Variants in ERBIN observed in about 807,000 individuals in gnomAD.
ERBIN encodes the protein densin-180-like protein.
A neutral mutation model predicts 158.4 loss-of-function variants in ERBIN; 60 were observed. The ratio of observed to expected loss-of-function variants is 0.38; its 90% CI spans 0.31 to 0.47. The LOEUF is 0.47. Ranked by LOEUF, ERBIN falls within the 20% of genes least tolerant of loss-of-function variation. The pLI, the probability that ERBIN is intolerant of heterozygous loss-of-function variation, is 0.99. For missense variants in ERBIN, 1,610 were observed against 1,648.0 expected (o/e 0.98, Z 0.40); for synonymous variants, 594 against 557.2 (o/e 1.07, Z -0.93).
At chr5:65,980,051 A>G (rs1411491406) in intron 1 of ERBIN, among the ~76,000 whole-genome samples, 1 of 152,216 alleles carries the variant, frequency 6.6e-6, no homozygotes, top group Admixed American at 6.5e-5. Context: ...AAAGTCCACA[A>G]AAGGAGATAA....
chr5:65,960,384 C>T (rs966867863), intron 1 of ERBIN, among the ~76,000 whole-genome samples: 7 of 152,116 alleles, frequency 4.6e-5, no homozygotes, highest in African/African-American at 1.7e-4. Flanking sequence ...GTGGAAATGT[C>T]CTGTATCTTG....
intron 17 of ERBIN, 40 bp downstream of exon 17, chr5:66,044,350 G>A (rs757082981): frequency 7.2e-6 from 11 of 1,537,904 alleles, no homozygotes; most frequent in Non-Finnish European, 9.6e-6. Context: ...CCTATTTCAA[G>A]TTCTTATTTT....
chr5:66,026,236 G>GT (rs1260222468), intron 12 of ERBIN, 66 bp from the exon 13 acceptor site: 12 of 985,314 alleles, frequency 1.2e-5, no homozygotes, highest in South Asian at 1.8e-5. Flanking sequence ...CAAAAATGAT[G>GT]TTTTTTATAT....
intron 4 of ERBIN, among the ~76,000 whole-genome samples, chr5:65,995,938 G>T (rs891783849): frequency 1.3e-5 from 2 of 152,116 alleles, no homozygotes; most frequent in African/African-American, 4.8e-5. Context: ...CAGGTCATTT[G>T]CTGATTTTTA....
chr5:65,994,254 T>A (rs1752185080), intron 3 of ERBIN, among the ~76,000 whole-genome samples: 1 of 152,206 alleles, frequency 6.6e-6, no homozygotes. Flanking sequence ...GACCAAAATT[T>A]GTCTCCTTCT....
intron 1 of ERBIN, among the ~76,000 whole-genome samples, chr5:65,979,545 G>A (rs1750419580): frequency 1.3e-5 from 2 of 152,200 alleles, no homozygotes. Context: ...TGATTGTATA[G>A]GCTTATAGAT....
chr5:66,073,821 A>G (rs1480313502), intron 22 of ERBIN, among the ~76,000 whole-genome samples: 3 of 152,268 alleles, frequency 2.0e-5, no homozygotes, highest in Admixed American at 6.5e-5. Context: ...TAGCTGAACC[A>G]TATTTTTCTA....
chr5:65,939,554 GTCTCCC>G (rs932681923), intron 1 of ERBIN, among the ~76,000 whole-genome samples: 2 of 150,840 alleles, frequency 1.3e-5, no homozygotes, highest in African/African-American at 4.9e-5. Flanking sequence ...TCTCCCCACG[GTCTCCC>G]TCTCCCTCTC....
At chr5:66,013,692 A>G (rs2151108496) in intron 6 of ERBIN, 54 bp downstream of exon 6, 1 of 1,191,470 alleles carries the variant, frequency 8.4e-7, no homozygotes, top group Admixed American at 1.7e-5. Flanking sequence ...TAAAGTTTAC[A>G]AAACTATAAG....
Position 66,059,029 on chromosome 5 carries a change from T to C in ERBIN, c.3633+4078T>C, listed in dbSNP as rs937922507. Among the ~76,000 whole-genome samples, 14 of 152,190 alleles carry C rather than the reference T, an allele frequency of 9.2e-5. 1 individual carries two copies. Among genetic ancestry groups the C allele is most frequent in the African/African-American group, 3.4e-4 (14 of 41,428 alleles). ...TGTCTTGGCAATGCAGGCTCTTTTTTGGTTCCATATGAACTTTAAAGTAGT... is the reference window on the plus strand; with the variant it reads ...TGTCTTGGCAATGCAGGCTCTTTTTCGGTTCCATATGAACTTTAAAGTAGT... On this transcript the variant is annotated intron_variant, in intron 21 of 25. Transcript: ENST00000284037.
intron 4 of ERBIN, among the ~76,000 whole-genome samples, chr5:66,004,660 T>G (rs1414836177): frequency 6.6e-6 from 1 of 152,086 alleles, no homozygotes; most frequent in Non-Finnish European, 1.5e-5. Context: ...ACCTCAGCCT[T>G]CCAAAGTGCT....
intron 4 of ERBIN, among the ~76,000 whole-genome samples, chr5:66,000,895 T>C (rs577882184): frequency 1.2e-4 from 18 of 152,286 alleles, no homozygotes; most frequent in Admixed American, 3.3e-4. Flanking sequence ...CCTCATCTTA[T>C]ATTCTTCATA....
intron 1 of ERBIN, among the ~76,000 whole-genome samples, chr5:65,957,980 CG>C (rs1747421630): frequency 6.9e-6 from 1 of 145,280 alleles, no homozygotes; most frequent in South Asian, 2.2e-4. Flanking sequence ...ACCTCCCAGA[CG>C]GGGTCGCGGC....
chr5:65,997,319 G>A (rs1752544168), intron 4 of ERBIN, among the ~76,000 whole-genome samples: 1 of 152,116 alleles, frequency 6.6e-6, no homozygotes. Context: ...ATGAAAGGAC[G>A]TTGAATTTTG....
chr5:65,942,898 A>G (rs1745235304), intron 1 of ERBIN, among the ~76,000 whole-genome samples: 1 of 130,846 alleles, frequency 7.6e-6, no homozygotes, highest in Non-Finnish European at 1.6e-5. Flanking sequence ...ACAGAGCGAG[A>G]CTCCGTCTCC....
intron 1 of ERBIN, among the ~76,000 whole-genome samples, chr5:65,927,681 G>C (rs1333686634): frequency 6.6e-6 from 1 of 152,184 alleles, no homozygotes; most frequent in Non-Finnish European, 1.5e-5. Flanking sequence ...TGTGCTTTTC[G>C]AGTAGTATGG....
At chr5:66,003,705 C>T (rs962393152) in intron 4 of ERBIN, among the ~76,000 whole-genome samples, 33 of 152,024 alleles carry the variant, frequency 2.2e-4, no homozygotes, top group Admixed American at 7.9e-4. Flanking sequence ...TTTTGTTCAG[C>T]AGGAGAACAC....
chr5:66,005,236 G>A (rs770881310), intron 4 of ERBIN, among the ~76,000 whole-genome samples: 17 of 152,224 alleles, frequency 1.1e-4, no homozygotes, highest in Non-Finnish European at 2.2e-4. Flanking sequence ...AGTATATGAC[G>A]GATCGGATGT....
intron 10 of ERBIN, among the ~76,000 whole-genome samples, 192 bp downstream of exon 10, chr5:66,024,642 A>T (rs571885828): frequency 4.6e-5 from 7 of 152,238 alleles, no homozygotes; most frequent in African/African-American, 1.7e-4. Context: ...TATTTACTCT[A>T]AGGTAATCTC....
Sources: gnomAD v4.1 joint callset for allele counts (sites outside exome capture counted in the v4.1 genomes callset) on GRCh38, gnomAD v4.1.1 for gene constraint, MANE v1.5 for transcripts, NCBI Gene and HGNC (gene_info 2026-07-23, HGNC 2026-07-21) for gene names.